ADGRV1: variants seen among roughly 807,000 people sequenced by gnomAD.
The protein encoded by ADGRV1 is adhesion G protein-coupled receptor V1.
In ADGRV1, 359 loss-of-function variants were observed where a neutral mutation model predicts 596.2. That is an observed-to-expected ratio of 0.60 (90% CI 0.55 to 0.66). The LOEUF (loss-of-function observed/expected upper bound fraction) is 0.66. Ranked by LOEUF, ADGRV1 falls within the 30% of genes least tolerant of loss-of-function variation. ADGRV1 has a pLI of 0.00. For missense variants in ADGRV1, 7,274 were observed against 7,575.6 expected (o/e 0.96, Z 1.48); for synonymous variants, 2,681 against 2,679.2 (o/e 1.00, Z -0.02).
In ADGRV1 at chr5:90,626,819, C is replaced by T. The variant is rs374092291; in HGVS notation, c.673-392C>T. On this transcript the variant is annotated intron_variant, in intron 6 of 89. Coordinates refer to ENST00000405460, the MANE Select transcript of ADGRV1 (RefSeq NM_032119.4). ...CTAACAATTTTTATGTAATGTTTAACGTACTTTCCAGATTCTTAGGTATTA... is the reference window on the plus strand; with the variant it reads ...CTAACAATTTTTATGTAATGTTTAATGTACTTTCCAGATTCTTAGGTATTA... 5.9e-5 allele frequency among the ~76,000 whole-genome samples: 9 copies of T among 152,262 alleles called. No homozygotes were observed. The East Asian group carries it at 7.7e-4, about 13-fold the overall frequency.
At chr5:90,901,020 A>C (rs1326549437) in intron 83 of ADGRV1, among the ~76,000 whole-genome samples, 1 of 152,032 alleles carries the variant, frequency 6.6e-6, no homozygotes, top group Non-Finnish European at 1.5e-5. Context: ...ATTTCTTCTC[A>C]AGAAGTCTCC....
At position 90,744,966 on chromosome 5, in the gene ADGRV1, T is replaced by G. The variant is rs908838687; in HGVS notation, c.10550-80T>G. On this transcript the variant is annotated intron_variant, in intron 50 of 89. Coordinates refer to ENST00000405460, the MANE Select transcript of ADGRV1 (RefSeq NM_032119.4). ...TGGAACTTTGAGATTTTGGAAGATT[T>G]TGCTTTGGAACCGATGCAGGGAGTG... 1.5e-5 allele frequency: 14 copies of G among 930,294 alleles called. No homozygotes were observed. The African/African-American group carries it at 2.0e-4, about 13-fold the overall frequency. The allele number at this position is 930,294 out of a possible 1,614,324, so 57.6% of individuals were successfully genotyped here.
chr5:91,156,483 C>A (rs141061179), intron 89 of ADGRV1, among the ~76,000 whole-genome samples: 4 of 152,114 alleles, frequency 2.6e-5, no homozygotes, highest in Non-Finnish European at 4.4e-5. Flanking sequence ...ATTCTCAGGG[C>A]AGATTATGTC....
intron 85 of ADGRV1, among the ~76,000 whole-genome samples, chr5:91,029,666 G>A (rs967718655): frequency 4.6e-5 from 7 of 151,940 alleles, no homozygotes; most frequent in Admixed American, 3.3e-4. Flanking sequence ...ACAATTTTTT[G>A]TAATCGGTTG....
Position 90,706,219 on chromosome 5 carries a change from C to A in ADGRV1, c.8567-12C>A. The A allele has an allele frequency of 6.3e-7, 1 of 1,582,738 alleles. No homozygotes were observed. Among genetic ancestry groups the A allele is most frequent in the Non-Finnish European group, 8.6e-7 (1 of 1,169,446 alleles). On this transcript the variant is annotated splice_polypyrimidine_tract_variant and intron_variant, in intron 37 of 89. Transcript: ENST00000405460. ...GATAATTATAAAACATTTTTGCAACCTATTCAATTAGGAGCTATCAATGTC... is the reference window on the plus strand; with the variant it reads ...GATAATTATAAAACATTTTTGCAACATATTCAATTAGGAGCTATCAATGTC...
intron 72 of ADGRV1, among the ~76,000 whole-genome samples, chr5:90,807,295 A>G (rs1194469844): frequency 6.6e-6 from 1 of 152,164 alleles, no homozygotes; most frequent in Non-Finnish European, 1.5e-5. Context: ...CAGAATTTAA[A>G]CCAAAGCCTG....
chr5:90,645,433 A>G (rs2149438935), intron 15 of ADGRV1, among the ~76,000 whole-genome samples: 1 of 152,262 alleles, frequency 6.6e-6, no homozygotes, highest in Non-Finnish European at 1.5e-5. Flanking sequence ...ATGACGTGAA[A>G]AAGAAACAGC....
chr5:91,126,292 G>C (rs564498144), intron 87 of ADGRV1, among the ~76,000 whole-genome samples: 3 of 152,064 alleles, frequency 2.0e-5, no homozygotes, highest in African/African-American at 7.2e-5. Flanking sequence ...ATGACTAACC[G>C]GTGTTAACAC....
rs144987146 is a variant in ADGRV1, at chr5:91,122,894, T to G, written c.18432+20554T>G. 5.3e-5 allele frequency among the ~76,000 whole-genome samples: 8 copies of G among 152,346 alleles called. 2 individuals carry two copies. The highest frequency in any genetic ancestry group is 1.9e-4 in the African/African-American group (8 of 41,582). ...GATTTCACACTGCTAGTGTCAGATGTGCTTCCTGCCAGGATACTGGCATTT... is the reference window on the plus strand; with the variant it reads ...GATTTCACACTGCTAGTGTCAGATGGGCTTCCTGCCAGGATACTGGCATTT... On this transcript the variant is annotated intron_variant, in intron 87 of 89. Coordinates refer to ENST00000405460, the MANE Select transcript of ADGRV1 (RefSeq NM_032119.4).
In ADGRV1 at chr5:90,819,713, T is replaced by G. The variant is rs1460506714; in HGVS notation, c.16197-3712T>G. ...AGGAGCAGGTTGTTCAGTTTCCATG[T>G]AGTTGAGCGGTTTTGAGTGAGATTC... On this transcript the variant is annotated intron_variant, in intron 75 of 89. Transcript: ENST00000405460. Among the ~76,000 whole-genome samples the G allele has an allele frequency of 2.0e-5, 3 of 151,918 alleles. No individual in the cohort carries two copies. The East Asian group carries it at 5.8e-4, about 29-fold the overall frequency.
chr5:91,094,517 T>C (rs1790684061), intron 86 of ADGRV1, among the ~76,000 whole-genome samples: 1 of 151,390 alleles, frequency 6.6e-6, no homozygotes, highest in Non-Finnish European at 1.5e-5. Context: ...AGGGATGAAT[T>C]GGAACAGACA....
At chr5:91,042,423 T>A (rs1785439352) in intron 85 of ADGRV1, among the ~76,000 whole-genome samples, 1 of 152,208 alleles carries the variant, frequency 6.6e-6, no homozygotes, top group African/African-American at 2.4e-5. Context: ...CTACCTTGGA[T>A]GTTCAAACAA....
chr5:90,756,602 G>A lies in ADGRV1; in HGVS notation c.11729G>A (p.Arg3910Lys). 6.2e-7 allele frequency: 1 copy of A among 1,613,708 alleles called. No homozygotes were observed. The highest frequency in any genetic ancestry group is 1.3e-5 in the African/African-American group (1 of 75,046). The change falls in exon 56 of 90, where the codon AGA becomes AAA. Residue 3910 changes from arginine (R) to lysine (K), a missense_variant. By Grantham distance (26) the Arg-to-Lys change is conservative. Coordinates refer to ENST00000405460, the MANE Select transcript of ADGRV1 (RefSeq NM_032119.4). ...ATGATAGAAGAAAATGACGATCCCAGAGGAATTTTTATGTTTCATGTTACT... is the reference window on the plus strand; with the variant it reads ...ATGATAGAAGAAAATGACGATCCCAAAGGAATTTTTATGTTTCATGTTACT... ...EIMIEENDDP[R>K]GIFMFHVTRG... is the part of the protein sequence containing the mutation.
chr5:90,657,953 T>A lies in ADGRV1; in HGVS notation c.4427T>A (p.Phe1476Tyr). Reference protein sequence around the residue: ...IGAGINGNDRFTGLMQDVRSY... With the variant: ...IGAGINGNDRYTGLMQDVRSY... Reference sequence around the variant, plus strand: ...GCAGGGATAAATGGCAATGACAGATTTACAGGTCTGATGCAGGATGTGAGG... The same window carrying A: ...GCAGGGATAAATGGCAATGACAGATATACAGGTCTGATGCAGGATGTGAGG... Residue 1476 changes from phenylalanine to tyrosine, a missense_variant, in exon 21 of 90, where the codon TTT becomes TAT. This residue lies in a region of ADGRV1 where 3,643 missense variants were observed against 3,809.2 expected (regional missense o/e 0.96). Transcript: ENST00000405460. 2 of 1,613,612 alleles carry A rather than the reference T, an allele frequency of 1.2e-6. No homozygotes were observed. Among genetic ancestry groups the A allele is most frequent in the Non-Finnish European group, 1.7e-6 (2 of 1,179,688 alleles).
chr5:91,098,137 G>A (rs1033594759), intron 86 of ADGRV1, among the ~76,000 whole-genome samples: 7 of 152,168 alleles, frequency 4.6e-5, no homozygotes, highest in Admixed American at 3.3e-4. Flanking sequence ...ATAGACAGCA[G>A]AGAAGTTATT....
chr5:90,634,641 AT>A lies in ADGRV1; in HGVS notation c.1840-470del, dbSNP rs1465626778. ...AAGGAGATGTGGATGACTCTCTGAT[AT>A]TTGGCTTTAAGGTCAAGGTAGTTGG... On this transcript the variant is annotated intron_variant, in intron 9 of 89. Coordinates refer to ENST00000405460, the MANE Select transcript of ADGRV1 (RefSeq NM_032119.4). Among the ~76,000 whole-genome samples the A allele has an allele frequency of 7.6e-4, 116 of 152,190 alleles. 2 individuals carry two copies. The highest frequency in any genetic ancestry group is 1.3e-4 in the Non-Finnish European group (9 of 68,006).
At chr5:91,042,796 G>A (rs1385037489) in intron 85 of ADGRV1, among the ~76,000 whole-genome samples, 4 of 152,090 alleles carry the variant, frequency 2.6e-5, no homozygotes, top group African/African-American at 7.2e-5. Context: ...ACAAACTTGT[G>A]CTTGTAGACC....
At chr5:90,604,258 A>G (rs1054994259) in intron 1 of ADGRV1, among the ~76,000 whole-genome samples, 1 of 152,180 alleles carries the variant, frequency 6.6e-6, no homozygotes, top group Non-Finnish European at 1.5e-5. Flanking sequence ...ACATATCTCT[A>G]GGCATCTGGG....
intron 87 of ADGRV1, among the ~76,000 whole-genome samples, chr5:91,124,744 G>A (rs994872332): frequency 6.6e-6 from 1 of 152,088 alleles, no homozygotes; most frequent in Non-Finnish European, 1.5e-5. Flanking sequence ...TTTAGTTACG[G>A]GGTCAGAAAG....
Sources: allele counts gnomAD v4.1 joint callset (sites outside exome capture counted in the v4.1 genomes callset), GRCh38; gene constraint gnomAD v4.1.1; regional missense constraint gnomAD v4.1.1; transcripts MANE v1.5; gene names NCBI Gene and HGNC (gene_info 2026-07-23, HGNC 2026-07-21).